CNTN5: variants seen among roughly 807,000 people sequenced by gnomAD.
The protein encoded by CNTN5 is contactin-5.
Under a neutral mutation model 129.1 loss-of-function variants are expected in CNTN5, and 77 were observed. The observed-to-expected ratio is 0.60, with a 90% confidence interval of 0.50 to 0.72. The LOEUF is 0.72. Among genes scored for constraint, CNTN5 ranks in the 30% least tolerant of loss-of-function variants. The pLI, the probability that CNTN5 is intolerant of heterozygous loss-of-function variation, is 0.00. For synonymous variants in CNTN5, 509 were observed against 465.6 expected, an observed-to-expected ratio of 1.09 and a Z score of -1.20; for missense variants, 1,478 against 1,328.8, an observed-to-expected ratio of 1.11 and a Z score of -1.75.
At chr11:99,503,128 C>T (rs1189800946) in intron 2 of CNTN5, among the ~76,000 whole-genome samples, 1 of 152,134 alleles carries the variant, frequency 6.6e-6, no homozygotes, top group Non-Finnish European at 1.5e-5. Flanking sequence ...ATGGTTCTTA[C>T]TAGGATTATA....
rs202154906 is a variant in CNTN5, at chr11:99,742,371, C to G, written c.56-77173C>G. 2.4e-5 allele frequency among the ~76,000 whole-genome samples: 3 copies of G among 124,676 alleles called. No individual in the cohort carries two copies. In the Admixed American group the frequency reaches 2.5e-4, roughly 10 times the overall value. The allele number at this position is 124,676 out of a possible 152,430, so 81.8% of individuals were successfully genotyped here. A position where few individuals can be genotyped will look rare whatever the true frequency, so the allele number is the denominator to read the frequency against. Reference sequence around the variant, plus strand: ...ATGAGTTACATCAGATTGTACTTAACACGTAAGATTTTCTAATAAGACTGG... The same window carrying G: ...ATGAGTTACATCAGATTGTACTTAAGACGTAAGATTTTCTAATAAGACTGG... On this transcript the variant is annotated intron_variant, in intron 3 of 24. Transcript: ENST00000524871.
chr11:99,094,958 ATAT>A (rs562112129), intron 1 of CNTN5, among the ~76,000 whole-genome samples: 3 of 151,704 alleles, frequency 2.0e-5, no homozygotes, highest in Non-Finnish European at 3.0e-5. Flanking sequence ...ACAACCATGC[ATAT>A]TATTATTATT....
rs1943631785 is a variant in CNTN5 at position 100,064,801 on chromosome 11, C to CA, written c.1162+3412dup. On this transcript the variant is annotated intron_variant, in intron 10 of 24. Coordinates refer to ENST00000524871, the MANE Select transcript of CNTN5 (RefSeq NM_014361.4). The stretch of plus-strand genomic sequence containing the variant: ...AATTAAAAGGAAAAGAAATAAATGA[C>CA]AAAATGACAAAAGAAATGCAGAACA... 2.0e-5 allele frequency among the ~76,000 whole-genome samples: 3 copies of CA among 151,702 alleles called. No individual in the cohort carries two copies. The South Asian group carries it at 6.2e-4, about 32-fold the overall frequency.
intron 8 of CNTN5, among the ~76,000 whole-genome samples, chr11:99,978,827 G>A (rs1441908636): frequency 6.6e-6 from 1 of 152,192 alleles, no homozygotes; most frequent in Admixed American, 6.5e-5. Flanking sequence ...AAGAGGAAAG[G>A]AAGTTGGTTT....
chr11:99,323,678 C>T (rs1371177468), intron 1 of CNTN5, among the ~76,000 whole-genome samples: 1 of 151,934 alleles, frequency 6.6e-6, no homozygotes, highest in Non-Finnish European at 1.5e-5. Flanking sequence ...ATCTTAATGA[C>T]AATCCAAGAT....
chr11:99,069,732 T>A (rs752254848), intron 1 of CNTN5, among the ~76,000 whole-genome samples: 1 of 152,180 alleles, frequency 6.6e-6, no homozygotes, highest in African/African-American at 2.4e-5. Context: ...AGCTTGAAAA[T>A]GGCCTGTTGC....
At chr11:99,883,204 A>G (rs1357925458) in intron 6 of CNTN5, among the ~76,000 whole-genome samples, 2 of 152,224 alleles carry the variant, frequency 1.3e-5, no homozygotes, top group African/African-American at 4.8e-5. Flanking sequence ...TCACTTTGAC[A>G]TACTGATTTC....
At chr11:100,094,848 C>A (rs1944946305) in intron 13 of CNTN5, among the ~76,000 whole-genome samples, 1 of 150,938 alleles carries the variant, frequency 6.6e-6, no homozygotes, top group African/African-American at 2.4e-5. Flanking sequence ...CATCATTATT[C>A]CATTTATGCT....
intron 2 of CNTN5, among the ~76,000 whole-genome samples, chr11:99,430,831 T>G (rs1943336555): frequency 6.6e-6 from 1 of 152,052 alleles, no homozygotes; most frequent in Non-Finnish European, 1.5e-5. Flanking sequence ...CCAGGCTGCC[T>G]TAGTGAAAAG....
At chr11:99,674,960 G>C (rs1953208916) in intron 3 of CNTN5, among the ~76,000 whole-genome samples, 1 of 152,046 alleles carries the variant, frequency 6.6e-6, no homozygotes, top group Admixed American at 6.6e-5. Flanking sequence ...ACTGGATTAT[G>C]ATCCTTCTTG....
At position 99,052,282 on chromosome 11, in the gene CNTN5, A is replaced by G. The variant is rs886147810; in HGVS notation, c.-210+31012A>G. 3.3e-5 allele frequency among the ~76,000 whole-genome samples: 5 copies of G among 151,880 alleles called. No homozygotes were observed. The East Asian group carries it at 7.7e-4, about 23-fold the overall frequency. ...ACTTTGCTGAGCAAAATGGTAAAAA[A>G]TCTTGAAAAGTACAGCTATGCTCCA... On this transcript the variant is annotated intron_variant, in intron 1 of 24. Transcript: ENST00000524871.
chr11:99,770,788 TAC>T lies in CNTN5; in HGVS notation c.56-48754_56-48753del, dbSNP rs148095525. On this transcript the variant is annotated intron_variant, in intron 3 of 24. Coordinates refer to ENST00000524871, the MANE Select transcript of CNTN5 (RefSeq NM_014361.4). ...CCTATAAAAATTTCAATGGATTTTT[TAC>T]AGTTATTAGAAAAAATCATAAAATT... is the stretch of plus-strand genomic sequence containing the variant. Among the ~76,000 whole-genome samples the T allele has an allele frequency of 9.8e-3, 1,496 of 152,236 alleles. 26 individuals carry two copies. Among genetic ancestry groups the T allele is most frequent in the African/African-American group, 0.034 (1,409 of 41,568 alleles).
At chr11:100,136,353 C>A (rs1946524367) in intron 13 of CNTN5, among the ~76,000 whole-genome samples, 1 of 152,016 alleles carries the variant, frequency 6.6e-6, no homozygotes, top group African/African-American at 2.4e-5. Context: ...ATCACATATT[C>A]ATCTGTATTT....
At chr11:99,153,815 C>CTTTTT (rs60782977) in intron 1 of CNTN5, among the ~76,000 whole-genome samples, 7 of 103,336 alleles carry the variant, frequency 6.8e-5, no homozygotes, top group African/African-American at 7.8e-5. Context: ...CTTTGAATGG[C>CTTTTT]TTTTTTTTTT....
At chr11:99,420,796 C>T (rs17662755) in intron 2 of CNTN5, among the ~76,000 whole-genome samples, 6,871 of 152,188 alleles carry the variant, frequency 0.045, 174 homozygotes, top group Non-Finnish European at 0.061. Context: ...GACATTTTCT[C>T]TCTTGGGTTG....
intron 9 of CNTN5, among the ~76,000 whole-genome samples, chr11:100,040,584 C>A (rs2137672990): frequency 6.6e-6 from 1 of 152,354 alleles, no homozygotes; most frequent in South Asian, 2.1e-4. Context: ...CCTACAGAGG[C>A]AGGCAGGCCT....
chr11:99,747,460 C>CTTTTTTTT (rs55790126), intron 3 of CNTN5, among the ~76,000 whole-genome samples: 7 of 85,754 alleles, frequency 8.2e-5, no homozygotes, highest in Non-Finnish European at 1.1e-4. Context: ...AGTCAGCATC[C>CTTTTTTTT]TTTTTTTTTT....
At chr11:99,782,296 A>G (rs1433757003) in intron 3 of CNTN5, among the ~76,000 whole-genome samples, 1 of 146,964 alleles carries the variant, frequency 6.8e-6, no homozygotes, top group African/African-American at 2.6e-5. Context: ...CTTCAAGGAG[A>G]ACTACAAACC....
intron 2 of CNTN5, among the ~76,000 whole-genome samples, chr11:99,332,606 A>C (rs975180146): frequency 6.6e-6 from 1 of 152,006 alleles, no homozygotes; most frequent in South Asian, 2.1e-4. Flanking sequence ...CTCTTACTCT[A>C]TTATGGTGTA....
Sources: gnomAD v4.1 joint callset for allele counts (sites outside exome capture counted in the v4.1 genomes callset) on GRCh38, gnomAD v4.1.1 for gene constraint, MANE v1.5 for transcripts, NCBI Gene and HGNC (gene_info 2026-07-23, HGNC 2026-07-21) for gene names.